The following GABRA4 variants were observed in gnomAD, a reference collection of about 807,000 sequenced individuals.
GABRA4 encodes the protein gamma-aminobutyric acid receptor subunit alpha-4.
In GABRA4, 12 loss-of-function variants were observed where a neutral mutation model predicts 49.7. The ratio of observed to expected loss-of-function variants is 0.24; its 90% CI spans 0.15 to 0.39. The LOEUF is 0.39. Among genes scored for constraint, GABRA4 ranks in the 10% least tolerant of loss-of-function variants. GABRA4 has a pLI of 1.00. For synonymous variants in GABRA4, 288 were observed against 240.2 expected (o/e 1.20, Z -1.84); for missense variants, 506 against 686.0 (o/e 0.74, Z 2.93).
intron 8 of GABRA4, among the ~76,000 whole-genome samples, chr4:46,929,421 T>C (rs1721350217): frequency 6.6e-6 from 1 of 152,100 alleles, no homozygotes; most frequent in Non-Finnish European, 1.5e-5. Context: ...AAGGTTGTAT[T>C]AGACTTATAA....
intron 2 of GABRA4, among the ~76,000 whole-genome samples, chr4:46,988,840 T>C (rs2109409122): frequency 6.6e-6 from 1 of 152,236 alleles, no homozygotes; most frequent in South Asian, 2.1e-4. Flanking sequence ...GCTGCCTGAC[T>C]AAGGTTTTAA....
chr4:46,966,864 A>G (rs1722770217), intron 7 of GABRA4, among the ~76,000 whole-genome samples: 1 of 151,746 alleles, frequency 6.6e-6, no homozygotes, highest in South Asian at 2.1e-4. Context: ...TTAGTCTAAA[A>G]TAGATTATAA....
chr4:46,985,542 A>G (rs1723502853), intron 2 of GABRA4, among the ~76,000 whole-genome samples: 1 of 152,058 alleles, frequency 6.6e-6, no homozygotes, highest in African/African-American at 2.4e-5. Context: ...GAATAAATAT[A>G]TAAGAAAGGC....
chr4:46,977,493 T>C lies in GABRA4; in HGVS notation c.411A>G (p.Gly137=). The part of the protein sequence containing the change: ...VWTPDTFFRN[G]KKSVSHNMTA... ...TCATATTATGTGAGACAGATTTCTT[T>C]CCATTCCTGAAGAAAGTATCAGGGG... The change falls in exon 4 of 9, where the codon GGA becomes GGG. Residue 137 remains glycine, a synonymous_variant. Transcript: ENST00000264318. 6.2e-7 allele frequency: 1 copy of C among 1,612,506 alleles called. No homozygotes were observed. Among genetic ancestry groups the C allele is most frequent in the Non-Finnish European group, 8.5e-7 (1 of 1,178,900 alleles).
chr4:46,992,158 C>T lies in GABRA4; in HGVS notation c.205+670G>A, dbSNP rs569985914. 1.5e-4 allele frequency among the ~76,000 whole-genome samples: 23 copies of T among 152,292 alleles called. No homozygotes were observed. In the Middle Eastern group the frequency reaches 0.014, roughly 90 times the overall value. On this transcript the variant is annotated intron_variant, in intron 2 of 8. Transcript: ENST00000264318. ...GCAAAGGAAATATGAATATGAAAAA[C>T]AGCAACAGTGCTGTTAATGGATGTA...
chr4:46,939,539 T>A (rs1291829890), intron 8 of GABRA4, among the ~76,000 whole-genome samples: 1 of 152,060 alleles, frequency 6.6e-6, no homozygotes, highest in African/African-American at 2.4e-5. Flanking sequence ...TTATTCATTA[T>A]TTGAATCCCA....
intron 7 of GABRA4, among the ~76,000 whole-genome samples, chr4:46,970,533 A>G (rs1028675249): frequency 2.0e-5 from 3 of 151,520 alleles, no homozygotes; most frequent in Non-Finnish European, 4.4e-5. Flanking sequence ...TGAAGCCACT[A>G]TAAAAACAAA....
At position 46,934,220 on chromosome 4, in the gene GABRA4, T is replaced by TA. The variant is rs959883652; in HGVS notation, c.1135-5466dup. 4.0e-4 allele frequency among the ~76,000 whole-genome samples: 60 copies of TA among 151,078 alleles called. 2 individuals are homozygous for TA. The highest frequency in any genetic ancestry group is 1.3e-3 in the South Asian group (6 of 4,784). On this transcript the variant is annotated intron_variant, in intron 8 of 8. Coordinates refer to ENST00000264318, the MANE Select transcript of GABRA4 (RefSeq NM_000809.4). Reference sequence around the variant, plus strand: ...TCTAGAATATCAATGAGTCACATACTAAAAAAAAAGAATCTAGTAATATAA... The same window carrying TA: ...TCTAGAATATCAATGAGTCACATACTAAAAAAAAAAGAATCTAGTAATATAA...
chr4:46,953,878 G>A (rs185196996), intron 8 of GABRA4, among the ~76,000 whole-genome samples: 5 of 152,166 alleles, frequency 3.3e-5, no homozygotes, highest in Admixed American at 3.3e-4. Context: ...GGTTGTGATG[G>A]GTTATAACTG....
intron 8 of GABRA4, among the ~76,000 whole-genome samples, chr4:46,950,023 A>G (rs1330931672): frequency 2.6e-5 from 4 of 152,106 alleles, no homozygotes; most frequent in African/African-American, 9.7e-5. Context: ...TATAACAGGT[A>G]ACCTCCTTGG....
chr4:46,943,890 C>A (rs1473536183), intron 8 of GABRA4, among the ~76,000 whole-genome samples: 1 of 152,002 alleles, frequency 6.6e-6, no homozygotes, highest in African/African-American at 2.4e-5. Context: ...CAAGTCAGGG[C>A]TTTTAGGGTA....
Position 46,979,003 on chromosome 4 carries a change from A to G in GABRA4, c.273+28T>C, listed in dbSNP as rs760058301. Reference sequence around the variant, plus strand: ...CTACATGTTTTCTTCAAGTCTCAAAAGGTACATTAAACTTCGAAAATACCT... The same window carrying G: ...CTACATGTTTTCTTCAAGTCTCAAAGGGTACATTAAACTTCGAAAATACCT... On this transcript the variant is annotated intron_variant, in intron 3 of 8. Coordinates refer to ENST00000264318, the MANE Select transcript of GABRA4 (RefSeq NM_000809.4). 2.1e-6 allele frequency: 3 copies of G among 1,455,192 alleles called. No homozygotes were observed. In the South Asian group the frequency reaches 3.5e-5, roughly 17 times the overall value. 90.1% of individuals were successfully genotyped at this position (1,455,192 alleles called of 1,614,324 possible).
At chr4:46,969,259 T>TA (rs112508830) in intron 7 of GABRA4, among the ~76,000 whole-genome samples, 4 of 151,572 alleles carry the variant, frequency 2.6e-5, no homozygotes, top group Admixed American at 6.6e-5. Flanking sequence ...TAGGATCATT[T>TA]AAAAAAATGT....
chr4:46,974,789 T>C (rs1385118938), intron 5 of GABRA4, among the ~76,000 whole-genome samples: 1 of 151,922 alleles, frequency 6.6e-6, no homozygotes, highest in Non-Finnish European at 1.5e-5. Flanking sequence ...AACACAGTTC[T>C]GCTATTTAGA....
chr4:46,957,341 T>A (rs1000685747), intron 8 of GABRA4, among the ~76,000 whole-genome samples: 6 of 151,882 alleles, frequency 4.0e-5, no homozygotes, highest in Admixed American at 2.0e-4. Flanking sequence ...TTTAACATAA[T>A]CTTTTCTTAA....
At chr4:46,956,796 A>C (rs144130078) in intron 8 of GABRA4, among the ~76,000 whole-genome samples, 1 of 152,202 alleles carries the variant, frequency 6.6e-6, no homozygotes, top group Admixed American at 6.6e-5. Flanking sequence ...TTTTAAAAGT[A>C]CCACATTTCC....
intron 8 of GABRA4, among the ~76,000 whole-genome samples, chr4:46,956,057 A>G (rs1334297676): frequency 6.6e-6 from 1 of 152,114 alleles, no homozygotes; most frequent in African/African-American, 2.4e-5. Flanking sequence ...ATGGCTGGAG[A>G]TGAAACATAG....
intron 2 of GABRA4, among the ~76,000 whole-genome samples, chr4:46,980,178 T>C (rs1723300187): frequency 6.6e-6 from 1 of 152,068 alleles, no homozygotes; most frequent in Non-Finnish European, 1.5e-5. Context: ...ACAGTAGTCA[T>C]TACTATGCAT....
intron 8 of GABRA4, among the ~76,000 whole-genome samples, chr4:46,943,826 T>C (rs1317127771): frequency 6.6e-6 from 1 of 152,132 alleles, no homozygotes; most frequent in Non-Finnish European, 1.5e-5. Flanking sequence ...TAATGTGTAA[T>C]ACAGTTATGG....
Sources: gnomAD v4.1 joint callset for allele counts (sites outside exome capture counted in the v4.1 genomes callset) on GRCh38, gnomAD v4.1.1 for gene constraint, MANE v1.5 for transcripts, NCBI Gene and HGNC (gene_info 2026-07-23, HGNC 2026-07-21) for gene names.